FEZ2: variants seen among roughly 807,000 people sequenced by gnomAD.
The protein encoded by FEZ2 is fasciculation and elongation protein zeta 2, also known as fasciculation and elongation protein zeta-2.
FEZ2 carries 51 observed loss-of-function variants against 40.4 expected under a neutral mutation model. The ratio of observed to expected loss-of-function variants is 1.26; its 90% CI spans 1.01 to 1.59. The LOEUF (loss-of-function observed/expected upper bound fraction) is 1.59, where lower values mean the gene tolerates loss of function less well. FEZ2 is among the 40% of genes most tolerant of loss of function. FEZ2 has a pLI of 0.00. For missense variants in FEZ2, 640 were observed against 438.3 expected (o/e 1.46, Z -4.11); for synonymous variants, 242 against 172.0 (o/e 1.41, Z -3.18).
At chr2:36,564,204 C>A (rs913146705) in intron 5 of FEZ2, among the ~76,000 whole-genome samples, 2 of 152,176 alleles carry the variant, frequency 1.3e-5, no homozygotes, top group Non-Finnish European at 2.9e-5. Context: ...TGTTTAATGG[C>A]CAATTGGACA....
rs956504336 is a variant in FEZ2, at chr2:36,552,325, A to G, written c.*838T>C. 9.9e-6 allele frequency: 4 copies of G among 402,404 alleles called. No individual in the cohort carries two copies. Among genetic ancestry groups the G allele is most frequent in the African/African-American group, 8.4e-5 (4 of 47,602 alleles). The allele number at this position is 402,404 out of a possible 1,614,324, so 24.9% of individuals were successfully genotyped here. A position where few individuals can be genotyped will look rare whatever the true frequency, so the allele number is the denominator to read the frequency against. ...TGGAACCAGCAAAAGTGCTCATGAT[A>G]TTGATGAATCCATAAGTAGCTGTAT... On this transcript the variant is annotated 3_prime_UTR_variant, in exon 8 of 8. Coordinates refer to ENST00000405912, the MANE Select transcript of FEZ2 (RefSeq NM_005102.3).
At chr2:36,563,013 G>C (rs1668132746) in intron 5 of FEZ2, among the ~76,000 whole-genome samples, 2 of 152,168 alleles carry the variant, frequency 1.3e-5, no homozygotes, top group Non-Finnish European at 2.9e-5. Context: ...TATTTGGAAA[G>C]CACATTCCAA....
intron 1 of FEZ2, among the ~76,000 whole-genome samples, chr2:36,597,447 G>A (rs1011453288): frequency 6.6e-6 from 1 of 152,220 alleles, no homozygotes; most frequent in African/African-American, 2.4e-5. Flanking sequence ...CTAAGTGGGA[G>A]GGACAGTGCC....
At chr2:36,582,242 AAC>A (rs1289733985) in intron 3 of FEZ2, among the ~76,000 whole-genome samples, 1 of 152,158 alleles carries the variant, frequency 6.6e-6, no homozygotes, top group African/African-American at 2.4e-5. Flanking sequence ...AAAAAAATTA[AAC>A]ACAATTAAAT....
intron 6 of FEZ2, chr2:36,556,509 C>G (rs530884023): frequency 6.6e-6 from 1 of 152,374 alleles, no homozygotes; most frequent in South Asian, 2.1e-4. Context: ...AAAAATATTT[C>G]ACTGTTTTTC....
At position 36,582,801 on chromosome 2, in the gene FEZ2, T is replaced by C. The variant is rs555159941; in HGVS notation, c.492+552A>G. On this transcript the variant is annotated intron_variant, in intron 3 of 7. Transcript: ENST00000405912. ...AACATTTTATTTCAGGAAGAAGTTC[T>C]GGCATCACATTTCAACAATACAACA... 5.3e-5 allele frequency among the ~76,000 whole-genome samples: 8 copies of C among 152,354 alleles called. No individual in the cohort carries two copies. The South Asian group carries it at 1.7e-3, about 32-fold the overall frequency.
At chr2:36,579,104 GA>G (rs761909097) in intron 4 of FEZ2, 48 of 437,644 alleles carry the variant, frequency 1.1e-4, no homozygotes, top group Non-Finnish European at 1.6e-5. Flanking sequence ...TTGCTGGCAA[GA>G]AAGTCTAACA....
chr2:36,578,690 C>T lies in FEZ2; in HGVS notation c.810G>A (p.Gln270=). The change falls in exon 5 of 8, where the codon CAG becomes CAA. Residue 270 remains glutamine, a synonymous_variant. Coordinates refer to ENST00000405912, the MANE Select transcript of FEZ2 (RefSeq NM_005102.3). The part of the protein sequence containing the change: ...ISVLIEVQNK[Q]KEHKETAKKK... ...TTTTTGCTGTTTCTTTGTGCTCTTT[C>T]TGTTTGTTTTGCACTTCAATAAGAA... The T allele has an allele frequency of 6.2e-7, 1 of 1,613,876 alleles. No individual in the cohort carries two copies. Among genetic ancestry groups the T allele is most frequent in the Non-Finnish European group, 8.5e-7 (1 of 1,179,824 alleles).
At position 36,568,935 on chromosome 2, in the gene FEZ2, G is replaced by GA. The variant is rs201707399; in HGVS notation, c.903+9661dup. 9.4e-3 allele frequency among the ~76,000 whole-genome samples: 1,426 copies of GA among 152,178 alleles called. 15 individuals are homozygous for GA. The highest frequency in any genetic ancestry group is 0.033 in the African/African-American group (1,368 of 41,510). On this transcript the variant is annotated intron_variant, in intron 5 of 7. Transcript: ENST00000405912. ...GATTTATAAAAATTCACCAAAATCT[G>GA]AAAGACGAAGAAATGGGCCAAGATC...
chr2:36,595,713 A>T (rs1160771347), intron 1 of FEZ2, among the ~76,000 whole-genome samples: 1 of 152,208 alleles, frequency 6.6e-6, no homozygotes, highest in Non-Finnish European at 1.5e-5. Flanking sequence ...AGCAATGATG[A>T]GTATGTTTTT....
At chr2:36,568,609 CCT>C (rs1491213250) in intron 5 of FEZ2, among the ~76,000 whole-genome samples, 3 of 152,130 alleles carry the variant, frequency 2.0e-5, no homozygotes, top group Admixed American at 1.3e-4. Flanking sequence ...TAAAATGCCC[CCT>C]CTCAGGATGG....
chr2:36,558,966 T>C (rs1381619715), intron 5 of FEZ2: 1 of 152,358 alleles, frequency 6.6e-6, no homozygotes, highest in Non-Finnish European at 1.5e-5. Flanking sequence ...CCATTTTTAT[T>C]CTGGTTGAAC....
intron 1 of FEZ2, among the ~76,000 whole-genome samples, chr2:36,597,443 G>A (rs1669259022): frequency 6.6e-6 from 1 of 152,208 alleles, no homozygotes; most frequent in African/African-American, 2.4e-5. Flanking sequence ...TGTCCTAAGT[G>A]GGAGGGACAG....
intron 5 of FEZ2, among the ~76,000 whole-genome samples, chr2:36,562,792 T>C (rs553187379): frequency 6.6e-6 from 1 of 152,368 alleles, no homozygotes; most frequent in African/African-American, 2.4e-5. Context: ...TATTCTCAAA[T>C]AACCAAGTCA....
intron 5 of FEZ2, among the ~76,000 whole-genome samples, chr2:36,568,077 G>A (rs1043182973): frequency 1.3e-5 from 2 of 152,074 alleles, no homozygotes; most frequent in African/African-American, 2.4e-5. Context: ...GAGCAGATGC[G>A]GTATTATTAG....
intron 1 of FEZ2, among the ~76,000 whole-genome samples, chr2:36,597,663 G>A (rs1482512127): frequency 6.6e-6 from 1 of 152,222 alleles, no homozygotes; most frequent in Non-Finnish European, 1.5e-5. Flanking sequence ...GAGGTACCGA[G>A]GCGGAGGTTT....
chr2:36,597,817 C>A, intron 1 of FEZ2, 60 bp downstream of exon 1: 1 of 1,235,960 alleles, frequency 8.1e-7, no homozygotes, highest in Non-Finnish European at 1.0e-6. Context: ...CGTAGGGCTG[C>A]CGGTCGGGCG....
rs1668659757 is a variant in FEZ2 at position 36,579,012 on chromosome 2, G to A, written c.635-147C>T. The A allele has an allele frequency of 6.1e-6, 4 of 660,888 alleles. No homozygotes were observed. In the South Asian group the frequency reaches 6.2e-5, roughly 10 times the overall value. 40.9% of individuals were successfully genotyped at this position (660,888 alleles called of 1,614,324 possible). A position where few individuals can be genotyped will look rare whatever the true frequency, so the allele number is the denominator to read the frequency against. On this transcript the variant is annotated intron_variant, in intron 4 of 7. Coordinates refer to ENST00000405912, the MANE Select transcript of FEZ2 (RefSeq NM_005102.3). ...CATATTCCAAGCAATTAAATTGACT[G>A]TGGGTGATCTTCTCAGAATTCTACA... is the stretch of plus-strand genomic sequence containing the variant.
chr2:36,573,516 C>A (rs571703664), intron 5 of FEZ2, among the ~76,000 whole-genome samples: 14 of 152,340 alleles, frequency 9.2e-5, no homozygotes, highest in Admixed American at 5.2e-4. Context: ...AATCTAAATC[C>A]TCCGGGATTC....
Sources: allele counts gnomAD v4.1 joint callset (sites outside exome capture counted in the v4.1 genomes callset), GRCh38; gene constraint gnomAD v4.1.1; transcripts MANE v1.5; gene names NCBI Gene and HGNC (gene_info 2026-07-23, HGNC 2026-07-21).